The following PTPRG variants were observed in gnomAD, a reference collection of about 807,000 sequenced individuals.
PTPRG encodes the protein receptor-type tyrosine-protein phosphatase gamma.
Under a neutral mutation model 165.3 loss-of-function variants are expected in PTPRG, and 102 were observed. The observed-to-expected ratio is 0.62, with a 90% CI of 0.53 to 0.73. The LOEUF is 0.73. Ranked by LOEUF, PTPRG falls within the 30% of genes least tolerant of loss-of-function variation. PTPRG has a pLI of 0.00. For missense variants in PTPRG, 1,866 were observed against 1,861.4 expected, an observed-to-expected ratio of 1.00 and a Z score of -0.05; for synonymous variants, 675 against 669.5, an observed-to-expected ratio of 1.01 and a Z score of -0.13.
At chr3:61,689,371 T>C (rs2030004855) in intron 1 of PTPRG, among the ~76,000 whole-genome samples, 1 of 152,208 alleles carries the variant, frequency 6.6e-6, no homozygotes, top group Non-Finnish European at 1.5e-5. Flanking sequence ...TAGAAGAATT[T>C]TCAATAAAAC....
chr3:62,209,733 G>A (rs1364394750), intron 12 of PTPRG, among the ~76,000 whole-genome samples: 1 of 152,180 alleles, frequency 6.6e-6, no homozygotes, highest in Non-Finnish European at 1.5e-5. Context: ...TGCCAGTATG[G>A]TTTAGTTTCT....
chr3:61,823,876 C>T (rs570804249), intron 2 of PTPRG, among the ~76,000 whole-genome samples: 10 of 152,070 alleles, frequency 6.6e-5, no homozygotes, highest in Non-Finnish European at 1.3e-4. Flanking sequence ...CCTGTAATCC[C>T]AGGACTTTGG....
chr3:62,084,655 C>T (rs9855037), intron 5 of PTPRG, among the ~76,000 whole-genome samples: 10,655 of 152,202 alleles, frequency 0.07, 1,201 homozygotes, highest in African/African-American at 0.24. Flanking sequence ...TTCTTGATGA[C>T]TCATCCATCC....
chr3:62,295,960 G>A lies in PTPRG; in HGVS notation c.*2653G>A, dbSNP rs895603231. ...AGGTTATTAACACTTGCACTCAGGG[G>A]AAAGGAAATAGCTATTGCAAATTAA... On this transcript the variant is annotated 3_prime_UTR_variant, in exon 30 of 30. Coordinates refer to ENST00000474889, the MANE Select transcript of PTPRG (RefSeq NM_002841.4). 6.6e-6 allele frequency: 1 copy of A among 152,074 alleles called. No homozygotes were observed. The highest frequency in any genetic ancestry group is 2.1e-4 in the South Asian group (1 of 4,826). The allele number at this position is 152,074 out of a possible 1,614,324, so 9.4% of individuals were successfully genotyped here. A position where few individuals can be genotyped will look rare whatever the true frequency, so the allele number is the denominator to read the frequency against.
In PTPRG at chr3:62,110,777, T is replaced by A. The variant is rs145136537; in HGVS notation, c.616-21825T>A. Reference sequence around the variant, plus strand: ...TTGTCTTTTCAATTGTTTCCCACTTTCTCTGCATACACAATACTTGCTGGT... The same window carrying A: ...TTGTCTTTTCAATTGTTTCCCACTTACTCTGCATACACAATACTTGCTGGT... On this transcript the variant is annotated intron_variant, in intron 5 of 29. Coordinates refer to ENST00000474889, the MANE Select transcript of PTPRG (RefSeq NM_002841.4). 1.8e-3 allele frequency among the ~76,000 whole-genome samples: 279 copies of A among 152,300 alleles called. 1 individual carries two copies. The highest frequency in any genetic ancestry group is 6.3e-3 in the African/African-American group (262 of 41,584).
intron 2 of PTPRG, among the ~76,000 whole-genome samples, chr3:61,867,013 C>T (rs995945915): frequency 9.9e-5 from 15 of 152,108 alleles, no homozygotes; most frequent in Non-Finnish European, 1.0e-4. Flanking sequence ...TTCTTGTTGG[C>T]GGGGTAGAAC....
At position 62,281,550 on chromosome 3, in the gene PTPRG, T is replaced by TTC; in HGVS notation, c.3766-12_3766-11insCT. ...AGAACTGCAGAGGCTTTTTTTTTTT[T>TTC]TGGATTCCAAAGGCAGAAGATGAGT... On this transcript the variant is annotated splice_polypyrimidine_tract_variant and intron_variant, in intron 26 of 29. Coordinates refer to ENST00000474889, the MANE Select transcript of PTPRG (RefSeq NM_002841.4). 1 of 1,466,562 alleles carries TTC rather than the reference T, an allele frequency of 6.8e-7. No homozygotes were observed. The highest frequency in any genetic ancestry group is 9.2e-7 in the Non-Finnish European group (1 of 1,092,610). 90.8% of individuals were successfully genotyped at this position (1,466,562 alleles called of 1,614,324 possible).
intron 8 of PTPRG, among the ~76,000 whole-genome samples, chr3:62,186,756 G>A (rs1257945069): frequency 1.3e-5 from 2 of 151,766 alleles, no homozygotes; most frequent in South Asian, 2.1e-4. Flanking sequence ...TTCTAGAGCC[G>A]GGGTTTCACC....
At chr3:61,977,789 A>G (rs79785094) in intron 2 of PTPRG, among the ~76,000 whole-genome samples, 2,294 of 152,316 alleles carry the variant, frequency 0.015, 73 homozygotes, top group African/African-American at 0.053. Flanking sequence ...AAATATGTTT[A>G]CAGAGATACT....
chr3:62,273,804 C>T lies in PTPRG; in HGVS notation c.3425C>T (p.Pro1142Leu). The T allele has an allele frequency of 6.2e-7, 1 of 1,613,760 alleles. No homozygotes were observed. Among genetic ancestry groups the T allele is most frequent in the South Asian group, 1.1e-5 (1 of 91,062 alleles). Reference protein sequence around the residue: ...LHSYVNSILIPGVGGKTRLEK... With the variant: ...LHSYVNSILILGVGGKTRLEK... Reference sequence around the variant, plus strand: ...AGCTATGTTAACAGCATCCTTATACCAGGAGTAGGAGGAAAGACACGACTG... The same window carrying T: ...AGCTATGTTAACAGCATCCTTATACTAGGAGTAGGAGGAAAGACACGACTG... The change falls in exon 23 of 30, where the codon CCA becomes CTA. Residue 1142 changes from proline (P) to leucine (L), a missense_variant. Physicochemically the swap from Pro to Leu is moderately conservative, Grantham distance 98. Coordinates refer to ENST00000474889, the MANE Select transcript of PTPRG (RefSeq NM_002841.4). The surrounding 1 kb of genome is among the most constrained non-coding windows in gnomAD (Gnocchi z 4.1).
intron 12 of PTPRG, among the ~76,000 whole-genome samples, chr3:62,206,705 G>A (rs554520553): frequency 6.6e-6 from 1 of 152,108 alleles, no homozygotes; most frequent in African/African-American, 2.4e-5. Context: ...GGCCAAGGAG[G>A]GTGGATCGCT....
At chr3:62,016,080 G>T (rs994993848) in intron 4 of PTPRG, among the ~76,000 whole-genome samples, 3 of 152,110 alleles carry the variant, frequency 2.0e-5, no homozygotes, top group Non-Finnish European at 4.4e-5. Context: ...ATTATTAATA[G>T]TATAAACCCC....
At position 62,195,769 on chromosome 3, in the gene PTPRG, C is replaced by T. The variant is rs1005406358; in HGVS notation, c.1327+599C>T. On this transcript the variant is annotated intron_variant, in intron 10 of 29. Transcript: ENST00000474889. The surrounding 1 kb of genome is among the most constrained non-coding windows in gnomAD (Gnocchi z 4.4). ...ACCAAAAAATTGAGTGACCAAGAGA[C>T]ATAACATTTTAGTGGGATTTTTTTT... 6.6e-6 allele frequency among the ~76,000 whole-genome samples: 1 copy of T among 152,048 alleles called. No homozygotes were observed. Among genetic ancestry groups the T allele is most frequent in the African/African-American group, 2.4e-5 (1 of 41,408 alleles).
intron 2 of PTPRG, among the ~76,000 whole-genome samples, chr3:61,962,470 G>C (rs996725664): frequency 3.3e-5 from 5 of 152,186 alleles, no homozygotes; most frequent in African/African-American, 1.2e-4. Flanking sequence ...CTATGGCAAA[G>C]TGAAATGGGG....
chr3:61,832,795 A>C (rs1412884316), intron 2 of PTPRG, among the ~76,000 whole-genome samples: 3 of 152,146 alleles, frequency 2.0e-5, no homozygotes, highest in Admixed American at 6.6e-5. Context: ...ATTTTGCTGC[A>C]TCCATCACTT....
chr3:62,223,143 C>T (rs950117348), intron 13 of PTPRG, among the ~76,000 whole-genome samples: 5 of 151,888 alleles, frequency 3.3e-5, no homozygotes, highest in Non-Finnish European at 4.4e-5. Context: ...CAGCAAGGGC[C>T]GGATCATGAG....
At chr3:61,792,070 G>C (rs2034892360) in intron 2 of PTPRG, among the ~76,000 whole-genome samples, 1 of 152,124 alleles carries the variant, frequency 6.6e-6, no homozygotes, top group African/African-American at 2.4e-5. Flanking sequence ...GGGTTGCTGT[G>C]ACCTCAGAGT....
chr3:61,564,557 A>G (rs1269677757), intron 1 of PTPRG, among the ~76,000 whole-genome samples: 1 of 152,170 alleles, frequency 6.6e-6, no homozygotes, highest in Admixed American at 6.5e-5. Context: ...GGGAAAGGGA[A>G]AGGACAGTGG....
intron 1 of PTPRG, among the ~76,000 whole-genome samples, chr3:61,735,243 T>C (rs922567314): frequency 6.6e-6 from 1 of 152,226 alleles, no homozygotes; most frequent in Non-Finnish European, 1.5e-5. Context: ...ATTAAATCAC[T>C]TCATTTAAGA....
Sources: allele counts gnomAD v4.1 joint callset (sites outside exome capture counted in the v4.1 genomes callset), GRCh38; gene constraint gnomAD v4.1.1; non-coding constraint Gnocchi (gnomAD v3.1); transcripts MANE v1.5; gene names NCBI Gene and HGNC (gene_info 2026-07-23, HGNC 2026-07-21).